The following TAB2 variants were observed in gnomAD, a reference collection of about 807,000 sequenced individuals.
TAB2 encodes TGF-beta-activated kinase 1 and MAP3K7-binding protein 2.
TAB2 carries 3 observed loss-of-function variants against 65.0 expected under a neutral mutation model. That is an observed-to-expected ratio of 0.05 (90% CI 0.02 to 0.12). The LOEUF (loss-of-function observed/expected upper bound fraction) is 0.12. Ranked by LOEUF, TAB2 falls within the 10% of genes least tolerant of loss-of-function variation. TAB2 has a pLI of 1.00. For missense variants in TAB2, 623 were observed against 840.3 expected, an observed-to-expected ratio of 0.74 and a Z score of 3.20; for synonymous variants, 298 against 285.1, an observed-to-expected ratio of 1.05 and a Z score of -0.46.
In TAB2 at chr6:149,220,029, C is replaced by T. The variant is rs554158051; in HGVS notation, c.-121+1253C>T. On this transcript the variant is annotated intron_variant, in intron 1 of 1. Coordinates refer to the TAB2 transcript ENST00000606202. ...AAAAATAATAACCTTATCACGTTTG[C>T]ATAAATAACATTTTCATGAAGCTTA... Among the ~76,000 whole-genome samples the T allele has an allele frequency of 2.5e-3, 374 of 152,242 alleles. 3 individuals carry two copies. Among genetic ancestry groups the T allele is most frequent in the Middle Eastern group, 0.017 (5 of 294 alleles).
rs58001933 is a variant in TAB2, at chr6:149,306,557, CAAA to C, written c.-120-71447_-120-71445del. Among the ~76,000 whole-genome samples, 958 of 108,570 alleles carry C rather than the reference CAAA, an allele frequency of 8.8e-3. 11 individuals carry two copies. The highest frequency in any genetic ancestry group is 0.028 in the African/African-American group (908 of 32,504). The allele number at this position is 108,570 out of a possible 152,430, so 71.2% of individuals were successfully genotyped here. On this transcript the variant is annotated intron_variant, in intron 1 of 1. Coordinates refer to the TAB2 transcript ENST00000606202. Reference sequence around the variant, plus strand: ...CAGGCGACAGAGCAAGACTCCGTCTCAAAAAAAAAAAAAAAACAAAAAACAAAA... The same window carrying C: ...CAGGCGACAGAGCAAGACTCCGTCTCAAAAAAAAAAAAACAAAAAACAAAA...
At chr6:149,400,444 T>C in intron 6 of TAB2, 1 of 1,614,222 alleles carries the variant, frequency 6.2e-7, no homozygotes. Flanking sequence ...AACAATCATA[T>C]TAATTTGAAG....
intron 1 of TAB2, among the ~76,000 whole-genome samples, chr6:149,361,152 T>C (rs1215546371): frequency 1.3e-5 from 2 of 152,166 alleles, no homozygotes; most frequent in African/African-American, 4.8e-5. Flanking sequence ...AGTGCCCCCA[T>C]GGAGACTCTG....
intron 6 of TAB2, among the ~76,000 whole-genome samples, chr6:149,408,101 C>G (rs1175586208): frequency 1.3e-5 from 2 of 152,106 alleles, no homozygotes; most frequent in African/African-American, 4.8e-5. Flanking sequence ...AACAATTATT[C>G]TATAAAATGT....
intron 1 of TAB2, among the ~76,000 whole-genome samples, chr6:149,328,115 A>T (rs1382187295): frequency 1.3e-5 from 2 of 152,218 alleles, no homozygotes; most frequent in Admixed American, 1.3e-4. Context: ...TGAAGTGGTC[A>T]TCTTAACCAA....
At chr6:149,367,877 G>T (rs1781090908) in intron 1 of TAB2, among the ~76,000 whole-genome samples, 1 of 152,124 alleles carries the variant, frequency 6.6e-6, no homozygotes, top group Non-Finnish European at 1.5e-5. Context: ...GAGGAATTAA[G>T]AGTTTGATTT....
chr6:149,286,019 G>T (rs1471528698), intron 1 of TAB2, among the ~76,000 whole-genome samples: 1 of 151,956 alleles, frequency 6.6e-6, no homozygotes, highest in African/African-American at 2.4e-5. Context: ...GAAAGAAAAG[G>T]ACCACAAATA....
At chr6:149,297,781 C>T (rs973666946) in intron 1 of TAB2, among the ~76,000 whole-genome samples, 14 of 152,248 alleles carry the variant, frequency 9.2e-5, no homozygotes, top group African/African-American at 3.4e-4. Context: ...GGTCCTCCCA[C>T]CTCAGCCTCC....
intron 6 of TAB2, chr6:149,400,123 C>T: frequency 2.1e-6 from 1 of 472,806 alleles, no homozygotes; most frequent in Non-Finnish European, 3.7e-6. Flanking sequence ...TTAGTAATTA[C>T]CTTAACTGGA....
chr6:149,273,810 A>G (rs1462413201), intron 1 of TAB2, among the ~76,000 whole-genome samples: 1 of 152,230 alleles, frequency 6.6e-6, no homozygotes, highest in Non-Finnish European at 1.5e-5. Flanking sequence ...TCCGTGTTCA[A>G]TGTCCTTTCT....
At chr6:149,309,479 C>T (rs777770257) in intron 1 of TAB2, among the ~76,000 whole-genome samples, 10 of 152,046 alleles carry the variant, frequency 6.6e-5, no homozygotes, top group East Asian at 1.9e-4. Context: ...TCACCGCAAG[C>T]TCCACCTCCC....
At chr6:149,259,038 A>G (rs1778098934) in intron 1 of TAB2, among the ~76,000 whole-genome samples, 1 of 152,184 alleles carries the variant, frequency 6.6e-6, no homozygotes, top group Admixed American at 6.5e-5. Flanking sequence ...ACTCTCTCCC[A>G]GGGCCTCCAG....
chr6:149,309,009 G>A (rs1019834624), intron 1 of TAB2, among the ~76,000 whole-genome samples: 1 of 119,906 alleles, frequency 8.3e-6, no homozygotes. Flanking sequence ...GCCTGACCCA[G>A]GATAGATAAT....
intron 1 of TAB2, among the ~76,000 whole-genome samples, chr6:149,248,852 G>A (rs1465492723): frequency 1.3e-5 from 2 of 152,056 alleles, no homozygotes; most frequent in East Asian, 3.9e-4. Context: ...TGTCACAGGA[G>A]CAGTCATGTC....
At chr6:149,276,363 C>T (rs1049744292) in intron 1 of TAB2, among the ~76,000 whole-genome samples, 3 of 152,002 alleles carry the variant, frequency 2.0e-5, no homozygotes, top group African/African-American at 7.3e-5. Context: ...CTATTGGAAG[C>T]CCAAAATGTT....
chr6:149,359,010 T>G (rs901404951), intron 1 of TAB2, among the ~76,000 whole-genome samples: 46 of 152,158 alleles, frequency 3.0e-4, no homozygotes, highest in Admixed American at 1.3e-4. Context: ...TCACTTTATA[T>G]CTTATTGTTA....
intron 1 of TAB2, among the ~76,000 whole-genome samples, chr6:149,366,060 A>C (rs902404636): frequency 1.9e-4 from 29 of 152,270 alleles, no homozygotes; most frequent in African/African-American, 6.7e-4. Context: ...TTATGTGCTA[A>C]TTCTAGCAGC....
At chr6:149,220,572 T>G (rs1481592693) in intron 1 of TAB2, among the ~76,000 whole-genome samples, 2 of 152,188 alleles carry the variant, frequency 1.3e-5, no homozygotes, top group African/African-American at 4.8e-5. Flanking sequence ...TCTGAAGTTT[T>G]GGGAAGCTGT....
At position 149,401,165 on chromosome 6, in the gene TAB2, GC is replaced by G. The variant is rs1782395460; in HGVS notation, c.1939+1982del. On this transcript the variant is annotated intron_variant, in intron 6 of 6. Transcript: ENST00000637181. Reference sequence around the variant, plus strand: ...TGTGTACATAGCTGTTACATGTAGGGCAATCTGTCTTTAAGTAGGGATAAAT... The same window carrying G: ...TGTGTACATAGCTGTTACATGTAGGGAATCTGTCTTTAAGTAGGGATAAAT... 2.4e-5 allele frequency: 4 copies of G among 167,068 alleles called. No homozygotes were observed. In the South Asian group the frequency reaches 6.2e-4, roughly 26 times the overall value. 10.3% of individuals were successfully genotyped at this position (167,068 alleles called of 1,614,324 possible). A position where few individuals can be genotyped will look rare whatever the true frequency, so the allele number is the denominator to read the frequency against.
Sources: allele counts gnomAD v4.1 joint callset (sites outside exome capture counted in the v4.1 genomes callset), GRCh38; gene constraint gnomAD v4.1.1; transcripts MANE v1.5; gene names NCBI Gene and HGNC (gene_info 2026-07-23, HGNC 2026-07-21).